Variants in SRGAP1 observed in about 807,000 individuals in gnomAD.
SRGAP1 encodes the protein SLIT-ROBO Rho GTPase-activating protein 1.
Under a neutral mutation model 121.9 loss-of-function variants are expected in SRGAP1, and 43 were observed. That is an observed-to-expected ratio of 0.35 (90% CI 0.28 to 0.46). SRGAP1 has a LOEUF of 0.46. SRGAP1 is among the 20% of genes least tolerant of loss of function. The pLI, the probability that SRGAP1 is intolerant of heterozygous loss-of-function variation, is 1.00. For synonymous variants in SRGAP1, 447 were observed against 485.4 expected (o/e 0.92, Z 1.04); for missense variants, 1,102 against 1,350.9 (o/e 0.82, Z 2.89).
intron 4 of SRGAP1, among the ~76,000 whole-genome samples, chr12:64,019,642 C>T (rs2034496127): frequency 6.6e-6 from 1 of 152,142 alleles, no homozygotes; most frequent in African/African-American, 2.4e-5. Context: ...TCTTCAGATA[C>T]ACAAACTCTG....
At chr12:63,950,346 T>C (rs571834300) in intron 1 of SRGAP1, among the ~76,000 whole-genome samples, 11 of 152,358 alleles carry the variant, frequency 7.2e-5, no homozygotes, top group African/African-American at 2.6e-4. Context: ...ATTTATTCTT[T>C]GCTAAGTCCC....
In SRGAP1 at chr12:64,145,807, A is replaced by T. The variant is rs2037042734; in HGVS notation, c.*3135A>T. On this transcript the variant is annotated 3_prime_UTR_variant, in exon 22 of 22. Transcript: ENST00000355086. ...ACAGGGGAGGTGGGAAGACACAGGG[A>T]AACGAGAGAAGAAGGATAATGAGGC... is the stretch of plus-strand genomic sequence containing the variant. 1 of 152,214 alleles carries T rather than the reference A, an allele frequency of 6.6e-6. No homozygotes were observed. The highest frequency in any genetic ancestry group is 2.4e-5 in the African/African-American group (1 of 41,440). 9.4% of individuals were successfully genotyped at this position (152,214 alleles called of 1,614,324 possible).
chr12:64,085,838 C>T (rs987618615), intron 10 of SRGAP1, among the ~76,000 whole-genome samples: 1 of 152,190 alleles, frequency 6.6e-6, no homozygotes, highest in Non-Finnish European at 1.5e-5. Flanking sequence ...TTCATCCCCA[C>T]TTCAAGTCAT....
chr12:64,035,766 C>A (rs1430562365), intron 4 of SRGAP1, among the ~76,000 whole-genome samples: 2 of 152,154 alleles, frequency 1.3e-5, no homozygotes, highest in South Asian at 4.1e-4. Flanking sequence ...AAAAAGGCAT[C>A]TGTTGGTCTG....
intron 1 of SRGAP1, among the ~76,000 whole-genome samples, chr12:63,911,358 A>G (rs1201648671): frequency 1.4e-4 from 21 of 151,710 alleles, no homozygotes. Context: ...GTCACCCAGC[A>G]CAGTGTTTTT....
At chr12:63,889,609 G>A (rs1330037179) in intron 1 of SRGAP1, among the ~76,000 whole-genome samples, 1 of 151,732 alleles carries the variant, frequency 6.6e-6, no homozygotes, top group Non-Finnish European at 1.5e-5. Flanking sequence ...TGGCCTTAGG[G>A]GGCTTTAAAA....
At chr12:64,098,609 G>T (rs1474003555) in intron 15 of SRGAP1, among the ~76,000 whole-genome samples, 4 of 151,802 alleles carry the variant, frequency 2.6e-5, no homozygotes, top group African/African-American at 9.7e-5. Flanking sequence ...GGCAGAGATT[G>T]CAGTGAGCCA....
intron 6 of SRGAP1, among the ~76,000 whole-genome samples, chr12:64,062,705 C>T (rs368164580): frequency 8.6e-5 from 13 of 151,998 alleles, no homozygotes; most frequent in Non-Finnish European, 1.3e-4. Flanking sequence ...TTAGTAGAGA[C>T]GGGGGGTCTT....
At chr12:64,079,221 A>C in intron 9 of SRGAP1, 105 bp downstream of exon 9, 1 of 1,217,220 alleles carries the variant, frequency 8.2e-7, no homozygotes, top group Non-Finnish European at 1.2e-6. Context: ...TTTTGTTAAA[A>C]TAGACTCCTG....
intron 1 of SRGAP1, among the ~76,000 whole-genome samples, chr12:63,910,522 A>T (rs2136315820): frequency 6.6e-6 from 1 of 152,266 alleles, no homozygotes; most frequent in East Asian, 1.9e-4. Flanking sequence ...CCCTCTTCTG[A>T]CCCATTTTGA....
chr12:64,134,241 G>A (rs1385343463), intron 21 of SRGAP1, among the ~76,000 whole-genome samples: 1 of 151,930 alleles, frequency 6.6e-6, no homozygotes, highest in Admixed American at 6.6e-5. Flanking sequence ...CTAACATGGT[G>A]AAACCCCGTC....
In SRGAP1 at chr12:64,127,900, T is replaced by A. The variant is rs1374525891; in HGVS notation, c.2580T>A (p.Arg860=). The change falls in exon 21 of 22, where the codon CGT becomes CGA. Residue 860 remains arginine, a synonymous_variant. Transcript: ENST00000355086. ...GAGAGCCACCCCCTCCAGTAAGGCG[T>A]CCTGGCAGGACCAGTGATGGCCATT... ...KRGEPPPPVR[R]PGRTSDGHCP... 6.2e-7 allele frequency: 1 copy of A among 1,613,900 alleles called. No homozygotes were observed. Among genetic ancestry groups the A allele is most frequent in the South Asian group, 1.1e-5 (1 of 91,076 alleles).
At chr12:64,027,606 A>G (rs528322140) in intron 4 of SRGAP1, among the ~76,000 whole-genome samples, 7 of 152,246 alleles carry the variant, frequency 4.6e-5, no homozygotes, top group African/African-American at 1.7e-4. Flanking sequence ...AAGGAAAGAG[A>G]GAAAATCAGA....
chr12:64,078,633 T>A (rs1483597729), intron 8 of SRGAP1, among the ~76,000 whole-genome samples: 2 of 152,226 alleles, frequency 1.3e-5, no homozygotes, highest in African/African-American at 4.8e-5. Context: ...GTAGTTTGAC[T>A]TCAATTGAAA....
chr12:63,959,475 G>T (rs1364423557), intron 1 of SRGAP1, among the ~76,000 whole-genome samples: 1 of 152,122 alleles, frequency 6.6e-6, no homozygotes, highest in African/African-American at 2.4e-5. Context: ...AATTCAGCTG[G>T]CACTGATCAT....
chr12:63,954,683 A>AAAAAAAAAAAAAAAAG (rs1389261361), intron 1 of SRGAP1, among the ~76,000 whole-genome samples: 20 of 147,794 alleles, frequency 1.4e-4, no homozygotes, highest in African/African-American at 4.1e-4. Context: ...ATCTCAAAAA[A>AAAAAAAAAAAAAAAAG]AAAAAAAAAG....
chr12:63,991,891 C>T lies in SRGAP1; in HGVS notation c.426+1819C>T, dbSNP rs183198113. On this transcript the variant is annotated intron_variant, in intron 3 of 21. Coordinates refer to ENST00000355086, the MANE Select transcript of SRGAP1 (RefSeq NM_020762.4). ...AGGGGAGCAGAGCTAAAAGACATGT[C>T]CCTGCCTGCAAGGAGCTCATTACAG... Among the ~76,000 whole-genome samples, 319 of 152,274 alleles carry T rather than the reference C, an allele frequency of 2.1e-3. 2 individuals carry two copies. Among genetic ancestry groups the T allele is most frequent in the African/African-American group, 7.4e-3 (306 of 41,546 alleles).
intron 1 of SRGAP1, among the ~76,000 whole-genome samples, chr12:63,972,532 C>T (rs937561842): frequency 6.6e-6 from 1 of 152,054 alleles, no homozygotes; most frequent in Non-Finnish European, 1.5e-5. Flanking sequence ...GTGCCTAAGT[C>T]GATAGCATTT....
chr12:64,141,409 G>A (rs1397155787), intron 21 of SRGAP1, among the ~76,000 whole-genome samples: 6 of 151,542 alleles, frequency 4.0e-5, no homozygotes, highest in South Asian at 2.1e-4. Flanking sequence ...GTGAAACCCC[G>A]TCTCTAGTAA....
Sources: allele counts gnomAD v4.1 joint callset (sites outside exome capture counted in the v4.1 genomes callset), GRCh38; gene constraint gnomAD v4.1.1; transcripts MANE v1.5; gene names NCBI Gene and HGNC (gene_info 2026-07-23, HGNC 2026-07-21).